TOMM70: variants seen among roughly 807,000 people sequenced by gnomAD.
TOMM70 encodes the protein translocase of outer mitochondrial membrane 70, also known as mitochondrial import receptor subunit TOM70.
TOMM70 carries 13 observed loss-of-function variants against 73.6 expected under a neutral mutation model. That is an observed-to-expected ratio of 0.18 (90% confidence interval 0.11 to 0.28). The LOEUF is 0.28. TOMM70 is among the 10% of genes least tolerant of loss of function. The probability of loss-of-function intolerance (pLI) is 1.00; values close to 1 mark genes in which losing one functional copy is unlikely to be tolerated. For synonymous variants in TOMM70, 257 were observed against 271.2 expected (o/e 0.95, Z 0.51); for missense variants, 609 against 747.5 (o/e 0.81, Z 2.16).
chr3:100,386,409 A>C, intron 2 of TOMM70, 65 bp from the exon 3 acceptor site: 1 of 1,475,090 alleles, frequency 6.8e-7, no homozygotes, highest in South Asian at 1.4e-5. Context: ...AAATCAGTTT[A>C]AACTTGATAG....
chr3:100,380,209 G>A (rs1474536591), intron 5 of TOMM70, among the ~76,000 whole-genome samples: 4 of 152,060 alleles, frequency 2.6e-5, no homozygotes, highest in Non-Finnish European at 4.4e-5. Context: ...AGCTGGCGTC[G>A]TGGCATGAGC....
chr3:100,401,082 C>G lies in TOMM70; in HGVS notation c.-133G>C, dbSNP rs1279665285. 1.0e-6 allele frequency: 1 copy of G among 1,003,742 alleles called. No individual in the cohort carries two copies. The highest frequency in any genetic ancestry group is 1.7e-5 in the African/African-American group (1 of 59,082). 62.2% of individuals were successfully genotyped at this position (1,003,742 alleles called of 1,614,324 possible). A position where few individuals can be genotyped will look rare whatever the true frequency, so the allele number is the denominator to read the frequency against. On this transcript the variant is annotated 5_prime_UTR_variant, in exon 1 of 12. Transcript: ENST00000284320. ...CACGCTAGGCAGAGAGAGCGGACGA[C>G]AGAAAAGGGCCAGAGGTCACCGGAA... is the stretch of plus-strand genomic sequence containing the variant.
In TOMM70 at chr3:100,381,608, T is replaced by G. The variant is rs1033874527; in HGVS notation, c.884+7A>C. On this transcript the variant is annotated splice_region_variant and intron_variant, in intron 5 of 11. Transcript: ENST00000284320. Reference sequence around the variant, plus strand: ...CACTAAGTAGACACTATGCTTGACATACTTACTTTTCTTTCACTTCTAAAG... The same window carrying G: ...CACTAAGTAGACACTATGCTTGACAGACTTACTTTTCTTTCACTTCTAAAG... The G allele has an allele frequency of 1.2e-6, 2 of 1,612,120 alleles. No homozygotes were observed. The highest frequency in any genetic ancestry group is 1.7e-6 in the Non-Finnish European group (2 of 1,178,898).
chr3:100,394,749 T>G (rs1401976797), intron 1 of TOMM70, among the ~76,000 whole-genome samples: 1 of 152,146 alleles, frequency 6.6e-6, no homozygotes, highest in Non-Finnish European at 1.5e-5. Flanking sequence ...GTGATCCACC[T>G]GCCTCAGCTT....
chr3:100,381,032 A>G (rs1054356367), intron 5 of TOMM70, among the ~76,000 whole-genome samples: 2 of 152,204 alleles, frequency 1.3e-5, no homozygotes, highest in East Asian at 1.9e-4. Flanking sequence ...AAGTATTGAT[A>G]AATACGAATG....
rs542226830 is a variant in TOMM70, at chr3:100,398,904, T to C, written c.324+1722A>G. 3.3e-5 allele frequency among the ~76,000 whole-genome samples: 5 copies of C among 152,362 alleles called. No homozygotes were observed. The East Asian group carries it at 9.6e-4, about 29-fold the overall frequency. The stretch of plus-strand genomic sequence containing the variant: ...AAGATCATATGGCTTTCTCATGGCC[T>C]AGCACAATGCCTCACACACTGCAGA... On this transcript the variant is annotated intron_variant, in intron 1 of 11. Transcript: ENST00000284320.
rs746513864 is a variant in TOMM70, at chr3:100,394,596, C to G, written c.324+6030G>C. 2.0e-5 allele frequency among the ~76,000 whole-genome samples: 3 copies of G among 152,146 alleles called. No homozygotes were observed. The East Asian group carries it at 5.8e-4, about 29-fold the overall frequency. Reference sequence around the variant, plus strand: ...TCAGCTCATTGCAACCTCCACCTCCCGGGTTCAAGTGATCCTCTCCCCTCA... The same window carrying G: ...TCAGCTCATTGCAACCTCCACCTCCGGGGTTCAAGTGATCCTCTCCCCTCA... On this transcript the variant is annotated intron_variant, in intron 1 of 11. Coordinates refer to ENST00000284320, the MANE Select transcript of TOMM70 (RefSeq NM_014820.5).
intron 9 of TOMM70, chr3:100,371,979 AT>A (rs1440910613): frequency 1.3e-5 from 2 of 152,236 alleles, no homozygotes; most frequent in Non-Finnish European, 2.9e-5. Flanking sequence ...ACCAAAACCA[AT>A]TTTCAGCTTT....
At chr3:100,383,467 G>A (rs935229053) in intron 4 of TOMM70, among the ~76,000 whole-genome samples, 3 of 150,674 alleles carry the variant, frequency 2.0e-5, no homozygotes, top group Admixed American at 6.7e-5. Context: ...AGGTTGCAGT[G>A]AGCCAAGATA....
chr3:100,382,997 T>C (rs541180686), intron 4 of TOMM70, among the ~76,000 whole-genome samples: 1 of 152,268 alleles, frequency 6.6e-6, no homozygotes, highest in South Asian at 2.1e-4. Context: ...ATTTACAAAG[T>C]GACAAACAGA....
At chr3:100,380,046 G>A (rs1414631569) in intron 5 of TOMM70, among the ~76,000 whole-genome samples, 2 of 152,100 alleles carry the variant, frequency 1.3e-5, no homozygotes, top group African/African-American at 4.8e-5. Context: ...AGGTCACCAG[G>A]CTAAGAAAAC....
At chr3:100,378,782 G>A (rs896197451) in intron 5 of TOMM70, among the ~76,000 whole-genome samples, 15 of 152,194 alleles carry the variant, frequency 9.9e-5, no homozygotes, top group East Asian at 1.9e-4. Flanking sequence ...AGAGGTGGGC[G>A]GATCACGAGG....
chr3:100,376,102 C>A (rs1013563215), intron 6 of TOMM70, among the ~76,000 whole-genome samples: 2 of 152,052 alleles, frequency 1.3e-5, no homozygotes, highest in Admixed American at 1.3e-4. Flanking sequence ...TGTGAAGTGG[C>A]ATCTCATGGT....
At chr3:100,394,011 A>G (rs1190937818) in intron 1 of TOMM70, among the ~76,000 whole-genome samples, 3 of 152,252 alleles carry the variant, frequency 2.0e-5, no homozygotes, top group African/African-American at 7.2e-5. Flanking sequence ...TCAATGATAT[A>G]CATCTGGCAA....
chr3:100,381,550 G>T, intron 5 of TOMM70, 65 bp downstream of exon 5: 2 of 1,504,916 alleles, frequency 1.3e-6, no homozygotes, highest in Admixed American at 3.7e-5. Context: ...AACCCATATG[G>T]GCCCTAAGGA....
rs552497062 is a variant in TOMM70, at chr3:100,377,974, T to C, written c.885-62A>G. ...AGAAAAAATTAAATGTGGCTGGGTG[T>C]GGTGGCTCACGCCTGTAATCCCAGC... is the stretch of plus-strand genomic sequence containing the variant. On this transcript the variant is annotated intron_variant, in intron 5 of 11. Coordinates refer to ENST00000284320, the MANE Select transcript of TOMM70 (RefSeq NM_014820.5). 6,350 of 1,476,220 alleles carry C rather than the reference T, an allele frequency of 4.3e-3. 34 individuals are homozygous for C. The highest frequency in any genetic ancestry group is 0.02 in the African/African-American group (1,452 of 71,954). 91.4% of individuals were successfully genotyped at this position (1,476,220 alleles called of 1,614,324 possible).
rs544004888 is a variant in TOMM70 at position 100,368,268 on chromosome 3, TTAACTTA to T, written c.1551-109_1551-103del. 2.4e-4 allele frequency: 327 copies of T among 1,385,500 alleles called. 2 individuals carry two copies. In the East Asian group the frequency reaches 6.5e-3, roughly 27 times the overall value. 85.8% of individuals were successfully genotyped at this position (1,385,500 alleles called of 1,614,324 possible). The stretch of plus-strand genomic sequence containing the variant: ...TTTCTGCCTTCAATGAACTTATAAG[TTAACTTA>T]TAACTTATAAGGCAATATATAATCA... On this transcript the variant is annotated intron_variant, in intron 10 of 11. Transcript: ENST00000284320.
rs578207328 is a variant in TOMM70, at chr3:100,364,674, C to T, written c.*890G>A. ...GAGCTCCTGGTCTCAAGCCTCTTGC[C>T]TCAGCCTCCCTAGTAGCTGAGACTA... On this transcript the variant is annotated 3_prime_UTR_variant, in exon 12 of 12. Transcript: ENST00000284320. 1.3e-5 allele frequency: 2 copies of T among 152,176 alleles called. No individual in the cohort carries two copies. Among genetic ancestry groups the T allele is most frequent in the Non-Finnish European group, 2.9e-5 (2 of 68,048 alleles). The allele number at this position is 152,176 out of a possible 1,614,324, so 9.4% of individuals were successfully genotyped here.
chr3:100,369,362 T>C (rs756810392), intron 9 of TOMM70, among the ~76,000 whole-genome samples: 11 of 152,222 alleles, frequency 7.2e-5, no homozygotes, highest in Middle Eastern at 3.2e-3. Flanking sequence ...AGTGGTTAGT[T>C]ATATGCCACA....
Sources: allele counts gnomAD v4.1 joint callset (sites outside exome capture counted in the v4.1 genomes callset), GRCh38; gene constraint gnomAD v4.1.1; transcripts MANE v1.5; gene names NCBI Gene and HGNC (gene_info 2026-07-23, HGNC 2026-07-21).